The following B3GAT2 variants were observed in gnomAD, a reference collection of about 807,000 sequenced individuals.
The protein encoded by B3GAT2 is beta-1,3-glucuronyltransferase 2, also known as galactosylgalactosylxylosylprotein 3-beta-glucuronosyltransferase 2.
A neutral mutation model predicts 27.8 loss-of-function variants in B3GAT2; 26 were observed. That is an observed-to-expected ratio of 0.93 (90% CI 0.68 to 1.30). B3GAT2 has a LOEUF of 1.30. Ranked by LOEUF, B3GAT2 falls within the 50% of genes most tolerant of loss-of-function variation. The probability of loss-of-function intolerance (pLI) is 0.00; values close to 1 mark genes in which losing one functional copy is unlikely to be tolerated. For missense variants in B3GAT2, 458 were observed against 459.0 expected (o/e 1.00, Z 0.02); for synonymous variants, 218 against 195.1 (o/e 1.12, Z -0.98).
intron 1 of B3GAT2, among the ~76,000 whole-genome samples, chr6:70,902,651 C>T (rs1331288324): frequency 4.0e-5 from 6 of 148,578 alleles, no homozygotes; most frequent in South Asian, 2.1e-4. Flanking sequence ...CACACACACA[C>T]ACACACACAC....
chr6:70,949,171 A>G (rs1472040019), intron 1 of B3GAT2, among the ~76,000 whole-genome samples: 1 of 152,068 alleles, frequency 6.6e-6, no homozygotes, highest in Non-Finnish European at 1.5e-5. Flanking sequence ...TAAAACACCA[A>G]AAGCATTGGC....
chr6:70,894,320 A>G, intron 1 of B3GAT2, 48 bp from the exon 2 acceptor site: 1 of 1,519,516 alleles, frequency 6.6e-7, no homozygotes, highest in Non-Finnish European at 8.9e-7. Context: ...TAGGAAAAAG[A>G]GGGAGGAAAT....
rs1272351742 is a variant in B3GAT2 at position 70,860,728 on chromosome 6, A to G, written c.*935T>C. On this transcript the variant is annotated 3_prime_UTR_variant, in exon 4 of 4. Coordinates refer to ENST00000230053, the MANE Select transcript of B3GAT2 (RefSeq NM_080742.3). Reference sequence around the variant, plus strand: ...AAAATTAGCCAGTAATCCTGTAGGAAGGTACTGTATGATCAAATGTTTAAT... The same window carrying G: ...AAAATTAGCCAGTAATCCTGTAGGAGGGTACTGTATGATCAAATGTTTAAT... The G allele has an allele frequency of 2.5e-6, 1 of 403,140 alleles. No individual in the cohort carries two copies. Among genetic ancestry groups the G allele is most frequent in the Non-Finnish European group, 4.4e-6 (1 of 228,438 alleles). The allele number at this position is 403,140 out of a possible 1,614,324, so 25.0% of individuals were successfully genotyped here.
At chr6:70,930,124 A>C (rs1449580468) in intron 1 of B3GAT2, among the ~76,000 whole-genome samples, 2 of 152,250 alleles carry the variant, frequency 1.3e-5, no homozygotes, top group East Asian at 3.8e-4. Context: ...GGTGCTGGGA[A>C]AACTGGCTAA....
intron 1 of B3GAT2, among the ~76,000 whole-genome samples, chr6:70,896,390 T>C (rs1302981531): frequency 1.3e-5 from 2 of 152,168 alleles, no homozygotes; most frequent in Admixed American, 6.5e-5. Flanking sequence ...ATCCCTGAAA[T>C]ACTAATATAG....
At chr6:70,941,947 T>A (rs1765399195) in intron 1 of B3GAT2, among the ~76,000 whole-genome samples, 1 of 152,182 alleles carries the variant, frequency 6.6e-6, no homozygotes, top group South Asian at 2.1e-4. Flanking sequence ...TTATTTAATG[T>A]GATATCAGGT....
At chr6:70,894,315 A>G (rs770894072) in intron 1 of B3GAT2, 43 bp from the exon 2 acceptor site, 1 of 1,521,946 alleles carries the variant, frequency 6.6e-7, no homozygotes, top group South Asian at 1.3e-5. Context: ...TTCCTTAGGA[A>G]AAAGAGGGAG....
rs1771572456 is a variant in B3GAT2 at position 70,859,021 on chromosome 6, CT to C, written c.*2641del. 4.9e-6 allele frequency: 1 copy of C among 203,826 alleles called. No individual in the cohort carries two copies. The highest frequency in any genetic ancestry group is 2.3e-5 in the African/African-American group (1 of 43,186). The allele number at this position is 203,826 out of a possible 1,614,324, so 12.6% of individuals were successfully genotyped here. On this transcript the variant is annotated 3_prime_UTR_variant, in exon 4 of 4. Transcript: ENST00000230053. ...TGCTCCCACTCTTCTTCCTTTTACA[CT>C]TCCCATTGATGTTCCTCCAGCATTT...
chr6:70,868,588 T>C (rs1025824697), intron 2 of B3GAT2, among the ~76,000 whole-genome samples: 10 of 152,172 alleles, frequency 6.6e-5, no homozygotes, highest in Non-Finnish European at 1.2e-4. Flanking sequence ...CTTTTATAGT[T>C]TGGCCACAAG....
At chr6:70,955,296 C>T (rs10455717) in intron 1 of B3GAT2, among the ~76,000 whole-genome samples, 34,451 of 151,826 alleles carry the variant, frequency 0.23, 4,288 homozygotes, top group East Asian at 0.37. Context: ...GCCAGTGGGC[C>T]GCAATAGTCA....
chr6:70,921,701 T>A lies in B3GAT2; in HGVS notation c.592-27429A>T, dbSNP rs192767961. Among the ~76,000 whole-genome samples the A allele has an allele frequency of 2.1e-3, 315 of 152,366 alleles. 1 individual carries two copies. The highest frequency in any genetic ancestry group is 2.6e-3 in the Non-Finnish European group (178 of 68,036). On this transcript the variant is annotated intron_variant, in intron 1 of 3. Coordinates refer to ENST00000230053, the MANE Select transcript of B3GAT2 (RefSeq NM_080742.3). ...GAATTGCCAGAGTTCTTGCATTGAT[T>A]CTTTCTCATCTGTGTGGGCTGACAT...
intron 1 of B3GAT2, among the ~76,000 whole-genome samples, chr6:70,944,837 T>G (rs1765452712): frequency 6.6e-6 from 1 of 152,132 alleles, no homozygotes; most frequent in Admixed American, 6.5e-5. Context: ...AGGGGCAGAC[T>G]GACACCTCAC....
rs764744071 is a variant in B3GAT2 at position 70,856,978 on chromosome 6, C to G, written c.*4685G>C. 1.2e-6 allele frequency: 2 copies of G among 1,613,960 alleles called. No homozygotes were observed. The highest frequency in any genetic ancestry group is 1.7e-6 in the Non-Finnish European group (2 of 1,179,866). ...TGGCAAAGAAACAACTTTCCAAAGA[C>G]TCCATCTTATCTCTGTATGGCACAG... On this transcript the variant is annotated 3_prime_UTR_variant, in exon 4 of 4. Coordinates refer to ENST00000230053, the MANE Select transcript of B3GAT2 (RefSeq NM_080742.3).
At chr6:70,906,609 A>G (rs1221697646) in intron 1 of B3GAT2, among the ~76,000 whole-genome samples, 2 of 152,220 alleles carry the variant, frequency 1.3e-5, no homozygotes, top group Non-Finnish European at 2.9e-5. Flanking sequence ...TAAAGTGCTG[A>G]TTATAGGCAT....
intron 2 of B3GAT2, among the ~76,000 whole-genome samples, chr6:70,873,923 T>A (rs1016062432): frequency 4.8e-4 from 73 of 152,268 alleles, no homozygotes; most frequent in Non-Finnish European, 1.5e-4. Flanking sequence ...TATCTCTTTA[T>A]TGATCTCTAT....
At chr6:70,902,334 T>TAA (rs201337702) in intron 1 of B3GAT2, among the ~76,000 whole-genome samples, 2 of 144,434 alleles carry the variant, frequency 1.4e-5, no homozygotes, top group East Asian at 4.0e-4. Flanking sequence ...ACATCCATGC[T>TAA]AAAAAAAAAA....
intron 1 of B3GAT2, among the ~76,000 whole-genome samples, chr6:70,937,579 G>C (rs1765313291): frequency 6.6e-6 from 1 of 152,008 alleles, no homozygotes; most frequent in Admixed American, 6.6e-5. Flanking sequence ...TCATCCCTGG[G>C]ATGCAAGGCT....
chr6:70,882,966 A>C (rs960341059), intron 2 of B3GAT2, among the ~76,000 whole-genome samples: 5 of 152,238 alleles, frequency 3.3e-5, no homozygotes, highest in African/African-American at 1.2e-4. Context: ...AGAAGGAAGT[A>C]CAAATGGCCA....
intron 2 of B3GAT2, among the ~76,000 whole-genome samples, chr6:70,882,258 T>G (rs1308336671): frequency 6.6e-6 from 1 of 152,012 alleles, no homozygotes; most frequent in Non-Finnish European, 1.5e-5. Context: ...TCCCAGCACT[T>G]TGGGAGGTTA....
Sources: gnomAD v4.1 joint callset for allele counts (sites outside exome capture counted in the v4.1 genomes callset) on GRCh38, gnomAD v4.1.1 for gene constraint, MANE v1.5 for transcripts, NCBI Gene and HGNC (gene_info 2026-07-23, HGNC 2026-07-21) for gene names.